ZNF621: variants seen among roughly 807,000 people sequenced by gnomAD.
The protein encoded by ZNF621 is zinc finger protein 621.
In ZNF621, 6 loss-of-function variants were observed where a neutral mutation model predicts 12.7. The ratio of observed to expected loss-of-function variants is 0.47; its 90% CI spans 0.26 to 0.93. The LOEUF is 0.93. ZNF621 is among the 40% of genes least tolerant of loss of function. The pLI is 0.15. For missense variants in ZNF621, 474 were observed against 524.0 expected (o/e 0.90, Z 0.93); for synonymous variants, 156 against 190.3 (o/e 0.82, Z 1.48).
intron 4 of ZNF621, 25 bp from the exon 5 acceptor site, chr3:40,532,005 G>A (rs1698736596): frequency 1.3e-6 from 2 of 1,570,316 alleles, no homozygotes; most frequent in Non-Finnish European, 1.7e-6. Context: ...TTGTAACTAG[G>A]AACACTTGTG....
In ZNF621 at chr3:40,532,956, G is replaced by A; in HGVS notation, c.1186G>A (p.Gly396Arg). 1.9e-6 allele frequency: 3 copies of A among 1,553,808 alleles called. No individual in the cohort carries two copies. In the South Asian group the frequency reaches 3.6e-5, roughly 18 times the overall value. ...ACATGCTGTGCTCATTCCTACCTCT[G>A]GGAATTTTTTCATGCTGCTGCCTAC... ...FPHAVLIPTSGNFFMLLPTSG... is the reference protein window; with the variant it reads ...FPHAVLIPTSRNFFMLLPTSG... Residue 396 changes from glycine (G) to arginine (R), a missense_variant, in exon 5 of 5, where the codon GGG (glycine) becomes AGG (arginine). By Grantham distance (125) the Gly-to-Arg change is moderately radical. Transcript: ENST00000339296.
At chr3:40,524,699 A>G (rs1490367848), upstream of ZNF621, among the ~76,000 whole-genome samples, 3 of 152,184 alleles carry the variant, frequency 2.0e-5, no homozygotes, top group Non-Finnish European at 4.4e-5. Context: ...ACTTGTGCCT[A>G]GAGGGCGAGG....
intron 4 of ZNF621, among the ~76,000 whole-genome samples, chr3:40,531,497 G>T (rs983393424): frequency 2.0e-5 from 3 of 151,880 alleles, no homozygotes; most frequent in Non-Finnish European, 4.4e-5. Flanking sequence ...CCTTCCTCGT[G>T]GGGAGCACTT....
chr3:40,528,973 T>C (rs557056228), intron 2 of ZNF621, among the ~76,000 whole-genome samples: 8 of 152,336 alleles, frequency 5.3e-5, no homozygotes, highest in Middle Eastern at 3.4e-3. Flanking sequence ...AAAATACAGT[T>C]TAATTCCCCC....
At chr3:40,527,216 C>T (rs1698605505) in intron 2 of ZNF621, among the ~76,000 whole-genome samples, 1 of 152,106 alleles carries the variant, frequency 6.6e-6, no homozygotes, top group Non-Finnish European at 1.5e-5. Flanking sequence ...CGGGGGTTCT[C>T]CATGTTGGTC....
At chr3:40,526,078 T>C (rs1317182025) in intron 2 of ZNF621, among the ~76,000 whole-genome samples, 3 of 152,158 alleles carry the variant, frequency 2.0e-5, no homozygotes, top group African/African-American at 7.2e-5. Context: ...ATGTATAGAT[T>C]TAAATGGAAG....
chr3:40,533,113 G>A lies in ZNF621; in HGVS notation c.*23G>A, dbSNP rs1340155717. ...TGAGCTTTATCTTGGCAGTCTTACGGCTCTTATGCCTAGCAAATCTCCAGC... is the reference window on the plus strand; with the variant it reads ...TGAGCTTTATCTTGGCAGTCTTACGACTCTTATGCCTAGCAAATCTCCAGC... On this transcript the variant is annotated 3_prime_UTR_variant, in exon 5 of 5. Transcript: ENST00000339296. 1.3e-6 allele frequency: 2 copies of A among 1,542,978 alleles called. No homozygotes were observed. The highest frequency in any genetic ancestry group is 1.8e-6 in the Non-Finnish European group (2 of 1,141,794).
chr3:40,523,800 A>AAAACAAAC (rs1575300689), upstream of ZNF621, among the ~76,000 whole-genome samples: 1 of 147,676 alleles, frequency 6.8e-6, no homozygotes, highest in African/African-American at 2.5e-5. Context: ...AGCAAAAAAA[A>AAAACAAAC]AAAAAACAAA....
intron 2 of ZNF621, among the ~76,000 whole-genome samples, chr3:40,526,988 T>C: frequency 6.6e-6 from 1 of 152,150 alleles, no homozygotes; most frequent in East Asian, 1.9e-4. Flanking sequence ...CCCAAGTAGC[T>C]GGGATTACAG....
rs138317598 is a variant in ZNF621, at chr3:40,532,652, G to C, written c.882G>C (p.Lys294Asn). Residue 294 changes from lysine to asparagine, a missense_variant, in exon 5 of 5, where the codon AAG (lysine) becomes AAC (asparagine). Transcript: ENST00000339296. ...CTGGGGAGAAACCTTATCAATGTAA[G>C]GAGTGTGGCAAAGCCTTCACCCAGA... ...IHTGEKPYQC[K>N]ECGKAFTQKI... 1.0e-4 allele frequency: 165 copies of C among 1,614,090 alleles called. No individual in the cohort carries two copies. The highest frequency in any genetic ancestry group is 1.3e-4 in the Non-Finnish European group (151 of 1,180,040).
At chr3:40,524,126 T>C (rs1262723012), upstream of ZNF621, among the ~76,000 whole-genome samples, 5 of 152,150 alleles carry the variant, frequency 3.3e-5, no homozygotes, top group Non-Finnish European at 7.4e-5. Context: ...ATTAGCAGCC[T>C]CCCCTCTTCA....
Position 40,533,152 on chromosome 3 carries a change from T to A in ZNF621, c.*62T>A. The A allele has an allele frequency of 2.0e-6, 3 of 1,501,550 alleles. No individual in the cohort carries two copies. Among genetic ancestry groups the A allele is most frequent in the Non-Finnish European group, 2.7e-6 (3 of 1,124,370 alleles). The allele number at this position is 1,501,550 out of a possible 1,614,324, so 93.0% of individuals were successfully genotyped here. A position where few individuals can be genotyped will look rare whatever the true frequency, so the allele number is the denominator to read the frequency against. On this transcript the variant is annotated 3_prime_UTR_variant, in exon 5 of 5. Transcript: ENST00000339296. The stretch of plus-strand genomic sequence containing the variant: ...CAAATCTCCAGCCTAATTTTATATA[T>A]TTTTTTGAGAAAGGGTCTTGCTCTG...
At chr3:40,530,599 A>G (rs935991307) in intron 4 of ZNF621, among the ~76,000 whole-genome samples, 1 of 152,192 alleles carries the variant, frequency 6.6e-6, no homozygotes, top group Admixed American at 6.5e-5. Context: ...ACTGGTGGAA[A>G]AGTTTTAATT....
chr3:40,532,747 A>T lies in ZNF621; in HGVS notation c.977A>T (p.Lys326Ile). 6.2e-7 allele frequency: 1 copy of T among 1,614,178 alleles called. No homozygotes were observed. The highest frequency in any genetic ancestry group is 8.5e-7 in the Non-Finnish European group (1 of 1,180,038). ...EKPYECKVCG[K>I]AFKWYGSFVQ... ...CCTTATGAATGTAAGGTGTGTGGGA[A>T]AGCCTTCAAATGGTATGGAAGTTTT... Residue 326 changes from lysine to isoleucine, a missense_variant, in exon 5 of 5, where the codon AAA becomes ATA. Transcript: ENST00000339296.
rs774146837 is a variant in ZNF621 at position 40,532,698 on chromosome 3, C to T, written c.928C>T (p.Gln310Ter). ...FTQKIASIQH[Q>*]RVHTGEKPYE... ...CCAGAAAATAGCCTCCATTCAGCAT[C>T]AGAGAGTTCACACTGGGGAGAAGCC... Residue 310 changes from glutamine to a stop codon, truncating the protein, a stop_gained, in exon 5 of 5, where the codon CAG becomes TAG. Transcript: ENST00000339296. LOFTEE classifies it low-confidence loss of function (END_TRUNC). The T allele has an allele frequency of 5.6e-6, 9 of 1,614,072 alleles. No individual in the cohort carries two copies. The South Asian group carries it at 9.9e-5, about 18-fold the overall frequency.
chr3:40,532,848 T>C lies in ZNF621; in HGVS notation c.1078T>C (p.Cys360Arg). Residue 360 changes from cysteine to arginine, a missense_variant, in exon 5 of 5, where the codon TGC becomes CGC. Transcript: ENST00000339296. The part of the protein sequence containing the change: ...VLGPSLVSPQ[C>R]SSPAIPPVLL... ...TGGGCCATCCCTGGTCAGTCCCCAG[T>C]GCTCCTCTCCAGCCATACCTCCTGT... The C allele has an allele frequency of 6.2e-7, 1 of 1,613,654 alleles. No homozygotes were observed. Among genetic ancestry groups the C allele is most frequent in the Admixed American group, 1.7e-5 (1 of 59,940 alleles).
At chr3:40,531,446 T>C (rs537309392) in intron 4 of ZNF621, among the ~76,000 whole-genome samples, 1 of 152,322 alleles carries the variant, frequency 6.6e-6, no homozygotes, top group East Asian at 1.9e-4. Context: ...TCATTCTTGA[T>C]TCTCCTTCTT....
Position 40,525,804 on chromosome 3 carries a change from C to A in ZNF621, c.-37C>A. On this transcript the variant is annotated 5_prime_UTR_variant, in exon 2 of 5. Transcript: ENST00000339296. The stretch of plus-strand genomic sequence containing the variant: ...CTCTTGAGGATCTTGCTTGTCCAAA[C>A]CCAGAAGACAGTGCATGAAGCCAGG... 1 of 1,614,158 alleles carries A rather than the reference C, an allele frequency of 6.2e-7. No homozygotes were observed. The highest frequency in any genetic ancestry group is 8.5e-7 in the Non-Finnish European group (1 of 1,180,014).
At chr3:40,525,756 A>C in intron 1 of ZNF621, 23 bp from the exon 2 acceptor site, 1 of 1,600,362 alleles carries the variant, frequency 6.2e-7, no homozygotes, top group Non-Finnish European at 8.6e-7. Context: ...GGTCCTTAGC[A>C]CTCATGGCTC....
Sources: allele counts gnomAD v4.1 joint callset (sites outside exome capture counted in the v4.1 genomes callset), GRCh38; gene constraint gnomAD v4.1.1; transcripts MANE v1.5; gene names NCBI Gene and HGNC (gene_info 2026-07-23, HGNC 2026-07-21).